CLIC5: variants seen among roughly 807,000 people sequenced by gnomAD.
The protein encoded by CLIC5 is chloride intracellular channel protein 5.
In CLIC5, 20 loss-of-function variants were observed where a neutral mutation model predicts 24.7. The ratio of observed to expected loss-of-function variants is 0.81; its 90% CI spans 0.57 to 1.18. The LOEUF (loss-of-function observed/expected upper bound fraction) is 1.18. Ranked by LOEUF, CLIC5 falls within the 50% of genes most tolerant of loss-of-function variation. The pLI, the probability that CLIC5 is intolerant of heterozygous loss-of-function variation, is 0.00. For missense variants in CLIC5, 341 were observed against 326.1 expected (o/e 1.05, Z -0.35); for synonymous variants, 159 against 135.6 (o/e 1.17, Z -1.20).
rs769943261 is a variant in CLIC5 at position 45,941,566 on chromosome 6, G to T, written c.387C>A (p.Thr129=). ...ACTCACCAGCATTGTTCTGCTGCTT[G>T]GTATTTTTGATGTAGGCAGAAAACT... ...FSKFSAYIKN[T]KQQNNAALER... is the part of the protein sequence containing the mutation. Residue 129 remains threonine, a synonymous_variant, in exon 4 of 6, where the codon ACC becomes ACA. Transcript: ENST00000339561. 10 of 1,613,180 alleles carry T rather than the reference G, an allele frequency of 6.2e-6. No homozygotes were observed. The Admixed American group carries it at 6.7e-5, about 11-fold the overall frequency.
At chr6:45,990,862 C>T (rs950041686) in intron 1 of CLIC5, among the ~76,000 whole-genome samples, 2 of 152,156 alleles carry the variant, frequency 1.3e-5, no homozygotes, top group East Asian at 1.9e-4. Flanking sequence ...GATTCAAGAC[C>T]GGGTTCTTCT....
chr6:45,928,767 AGTGTGT>A (rs5875948), intron 4 of CLIC5, among the ~76,000 whole-genome samples: 3 of 144,176 alleles, frequency 2.1e-5, no homozygotes, highest in South Asian at 2.2e-4. Flanking sequence ...GAAGTGCATA[AGTGTGT>A]GTGTGTGTGT....
chr6:45,892,661 T>G (rs1428455955), intron 6 of CLIC5, among the ~76,000 whole-genome samples: 5 of 152,234 alleles, frequency 3.3e-5, no homozygotes, highest in Admixed American at 3.3e-4. Context: ...TGTTGTCAAT[T>G]GTTGCCTTCA....
chr6:46,056,014 T>G (rs1184797044), intron 1 of CLIC5, among the ~76,000 whole-genome samples: 1 of 152,348 alleles, frequency 6.6e-6, no homozygotes, highest in East Asian at 1.9e-4. Flanking sequence ...TGGTAGTGAT[T>G]GTAGCACAAC....
chr6:45,954,166 C>T (rs186597317), intron 2 of CLIC5, among the ~76,000 whole-genome samples: 403 of 149,202 alleles, frequency 2.7e-3, no homozygotes, highest in African/African-American at 9.5e-3. Context: ...CCCAGCTACT[C>T]GGGAGGCTGA....
chr6:46,105,791 A>T, the CLIC5 span, among the ~76,000 whole-genome samples: 1 of 152,108 alleles, frequency 6.6e-6, no homozygotes, highest in African/African-American at 2.4e-5. Context: ...AGAGAACTTG[A>T]CCTTTATGTG....
At chr6:46,075,572 G>A (rs568786834) in intron 1 of CLIC5, among the ~76,000 whole-genome samples, 2 of 152,228 alleles carry the variant, frequency 1.3e-5, no homozygotes, top group East Asian at 3.9e-4. Context: ...GCAACAGAGT[G>A]AGACCCTGTC....
rs1327941667 is a variant in CLIC5 at position 45,941,547 on chromosome 6, C to G, written c.406G>C (p.Ala136Pro). The G allele has an allele frequency of 6.2e-7, 1 of 1,609,244 alleles. No homozygotes were observed. ...IKNTKQQNNAALERGLTKALK... is the reference protein window; with the variant it reads ...IKNTKQQNNAPLERGLTKALK... ...TTCTTGGTGGAAGGGAGTCACTCAC[C>G]AGCATTGTTCTGCTGCTTGGTATTT... Residue 136 changes from alanine (A) to proline (P), a missense_variant and splice_region_variant, in exon 4 of 6, where the codon GCT (alanine) becomes CCT (proline). Physicochemically the swap from Ala to Pro is conservative, Grantham distance 27. Coordinates refer to ENST00000339561, the MANE Select transcript of CLIC5 (RefSeq NM_016929.5).
chr6:46,113,761 C>T, the CLIC5 span, among the ~76,000 whole-genome samples: 68,118 of 151,950 alleles, frequency 0.45, 16,564 homozygotes, highest in South Asian at 0.68. Context: ...AAGAGGTAAT[C>T]AATTTAAAAT....
At chr6:46,027,592 T>A (rs1767370125) in intron 1 of CLIC5, among the ~76,000 whole-genome samples, 1 of 152,252 alleles carries the variant, frequency 6.6e-6, no homozygotes. Context: ...CTCCACTGAA[T>A]ATATGTTGAG....
chr6:45,949,064 G>T (rs1764380710), intron 3 of CLIC5, among the ~76,000 whole-genome samples, 192 bp downstream of exon 3: 1 of 152,138 alleles, frequency 6.6e-6, no homozygotes, highest in Non-Finnish European at 1.5e-5. Flanking sequence ...ACTCTTGAGT[G>T]GATTTTGTGG....
intron 1 of CLIC5, among the ~76,000 whole-genome samples, chr6:45,967,788 CAAGA>C (rs1229037484): frequency 6.6e-6 from 1 of 151,786 alleles, no homozygotes. Flanking sequence ...AAAGCAGGGG[CAAGA>C]GAGAGAGAGA....
At chr6:46,084,389 C>A (rs1278204346), upstream of CLIC5, among the ~76,000 whole-genome samples, 1 of 152,202 alleles carries the variant, frequency 6.6e-6, no homozygotes, top group Non-Finnish European at 1.5e-5. Flanking sequence ...TACATTTTGG[C>A]ATGATTTTGC....
Position 46,051,511 on chromosome 6 carries a change from G to T in CLIC5, c.540+28192C>A, listed in dbSNP as rs543739314. On this transcript the variant is annotated intron_variant, in intron 1 of 5. Coordinates refer to the CLIC5 transcript ENST00000185206. ...TAGCTCTACGTGCAATCCATAAGAC[G>T]GTTAGGGTTTCTCTCCTTTTTTTTC... is the stretch of plus-strand genomic sequence containing the variant. Among the ~76,000 whole-genome samples the T allele has an allele frequency of 1.0e-3, 156 of 152,238 alleles. 2 individuals are homozygous for T. Among genetic ancestry groups the T allele is most frequent in the Middle Eastern group, 3.4e-3 (1 of 294 alleles).
chr6:46,033,981 C>T (rs955066220), intron 1 of CLIC5, among the ~76,000 whole-genome samples: 1 of 152,088 alleles, frequency 6.6e-6, no homozygotes, highest in South Asian at 2.1e-4. Context: ...ATAAGAAGAC[C>T]TAGGGTAAAA....
intron 1 of CLIC5, among the ~76,000 whole-genome samples, chr6:46,036,327 T>TTTTTA (rs1491391709): frequency 9.8e-6 from 1 of 101,882 alleles, no homozygotes; most frequent in African/African-American, 3.9e-5. Flanking sequence ...TTTTTTTTTT[T>TTTTTA]GAGACGGAGT....
the CLIC5 span, among the ~76,000 whole-genome samples, chr6:46,109,512 C>CT: frequency 3.8e-5 from 1 of 26,606 alleles, no homozygotes; most frequent in African/African-American, 1.8e-4. Flanking sequence ...ACAGTCTCCA[C>CT]TAAAAAAAAA....
chr6:46,084,424 T>A (rs1762987921), upstream of CLIC5, among the ~76,000 whole-genome samples: 1 of 152,228 alleles, frequency 6.6e-6, no homozygotes, highest in South Asian at 2.1e-4. Flanking sequence ...GTTGTTCCTT[T>A]CCATGTTTAG....
At chr6:45,997,981 T>G (rs1332420453) in intron 1 of CLIC5, among the ~76,000 whole-genome samples, 1 of 152,224 alleles carries the variant, frequency 6.6e-6, no homozygotes, top group East Asian at 1.9e-4. Context: ...AGTGCCTTGA[T>G]CAAGGGTGTA....
Sources: allele counts gnomAD v4.1 joint callset (sites outside exome capture counted in the v4.1 genomes callset), GRCh38; gene constraint gnomAD v4.1.1; transcripts MANE v1.5; gene names NCBI Gene and HGNC (gene_info 2026-07-23, HGNC 2026-07-21).